Variants in SPATC1 observed in about 807,000 individuals in gnomAD.
SPATC1 encodes the protein spermatogenesis and centriole associated 1, also known as speriolin.
A neutral mutation model predicts 36.5 loss-of-function variants in SPATC1; 35 were observed. That is an observed-to-expected ratio of 0.96 (90% CI 0.73 to 1.27). The LOEUF (loss-of-function observed/expected upper bound fraction) is 1.27. Ranked by LOEUF, SPATC1 falls within the 50% of genes most tolerant of loss-of-function variation. The probability of loss-of-function intolerance (pLI) is 0.00; values close to 1 mark genes in which losing one functional copy is unlikely to be tolerated. For missense variants in SPATC1, 779 were observed against 796.0 expected, an observed-to-expected ratio of 0.98 and a Z score of 0.26; for synonymous variants, 361 against 353.6, an observed-to-expected ratio of 1.02 and a Z score of -0.24.
rs781893550 is a variant in SPATC1 at position 144,040,939 on chromosome 8, C to T, written c.1138C>T (p.His380Tyr). 1.2e-6 allele frequency: 2 copies of T among 1,603,500 alleles called. No individual in the cohort carries two copies. The highest frequency in any genetic ancestry group is 1.7e-6 in the Non-Finnish European group (2 of 1,175,264). ...NSPTQNLPVPHCPPHNAHSPP... is the reference protein window; with the variant it reads ...NSPTQNLPVPYCPPHNAHSPP... ...CCCAACCCAGAACCTGCCTGTCCCC[C>T]ACTGTCCTCCACACAACGCCCACTC... The change falls in exon 3 of 5, where the codon CAC (histidine) becomes TAC (tyrosine). Residue 380 changes from histidine (H) to tyrosine (Y), a missense_variant. Coordinates refer to ENST00000377470, the MANE Select transcript of SPATC1 (RefSeq NM_198572.3).
intron 1 of SPATC1, among the ~76,000 whole-genome samples, chr8:144,018,920 T>G: frequency 7.2e-6 from 1 of 138,626 alleles, no homozygotes; most frequent in African/African-American, 2.7e-5. Context: ...CGGGCGCCTG[T>G]GGTCCCAGCT....
At position 144,040,196 on chromosome 8, in the gene SPATC1, C is replaced by G. The variant is rs1293167804; in HGVS notation, c.499C>G (p.Pro167Ala). ...CCTGCCCTCCACTGGCACCCTGACT[C>G]CCAGCAGCCTCGTGGCAGGCCCTGT... ...LGLPSTGTLTPSSLVAGPVAM... is the reference protein window; with the variant it reads ...LGLPSTGTLTASSLVAGPVAM... The change falls in exon 2 of 5, where the codon CCC becomes GCC. Residue 167 changes from proline (P) to alanine (A), a missense_variant. Pro to Ala is a conservative substitution (Grantham distance 27, BLOSUM62 -1). Coordinates refer to ENST00000377470, the MANE Select transcript of SPATC1 (RefSeq NM_198572.3). 1 of 1,612,408 alleles carries G rather than the reference C, an allele frequency of 6.2e-7. No individual in the cohort carries two copies. The highest frequency in any genetic ancestry group is 2.2e-5 in the East Asian group (1 of 44,860).
chr8:144,025,708 T>C (rs1834664004), intron 1 of SPATC1, among the ~76,000 whole-genome samples: 1 of 152,110 alleles, frequency 6.6e-6, no homozygotes, highest in African/African-American at 2.4e-5. Context: ...ACCAGGGACC[T>C]CGGTAAGGCA....
chr8:144,015,443 G>A (rs897624131), intron 1 of SPATC1, among the ~76,000 whole-genome samples: 12 of 140,792 alleles, frequency 8.5e-5, no homozygotes, highest in African/African-American at 3.7e-4. Context: ...AAAAAAAAAA[G>A]AAAGAAAGAA....
At chr8:144,024,002 C>CT (rs1273824145) in intron 1 of SPATC1, among the ~76,000 whole-genome samples, 1 of 150,208 alleles carries the variant, frequency 6.7e-6, no homozygotes, top group Non-Finnish European at 1.5e-5. Context: ...TCAGGACCCT[C>CT]TACCCTAAGG....
intron 1 of SPATC1, among the ~76,000 whole-genome samples, chr8:144,027,112 G>A (rs893229464): frequency 5.3e-5 from 8 of 151,016 alleles, no homozygotes; most frequent in African/African-American, 1.2e-4. Flanking sequence ...GATTACAGGC[G>A]TGAGCCACCA....
chr8:144,019,144 G>A (rs1214352830), intron 1 of SPATC1, among the ~76,000 whole-genome samples: 4 of 152,064 alleles, frequency 2.6e-5, no homozygotes, highest in African/African-American at 9.7e-5. Flanking sequence ...CCATCTTCGG[G>A]ATTTGCAAAG....
intron 1 of SPATC1, among the ~76,000 whole-genome samples, chr8:144,028,293 T>A (rs1834725296): frequency 6.6e-6 from 1 of 152,114 alleles, no homozygotes. Context: ...GAGAAGATGT[T>A]TGCAACCTAT....
chr8:144,012,704 C>T lies in SPATC1; in HGVS notation c.189C>T (p.Gly63=), dbSNP rs1442685330. The change falls in exon 1 of 5, where the codon GGC becomes GGT. Residue 63 remains glycine, a synonymous_variant. Coordinates refer to ENST00000377470, the MANE Select transcript of SPATC1 (RefSeq NM_198572.3). ...FTSGLGEATA[G]LSSRQNNGVF... ...GTGGGCTTGGTGAGGCAACAGCAGG[C>T]CTTTCCTCACGCCAGAACAATGGTA... 6.4e-7 allele frequency: 1 copy of T among 1,551,636 alleles called. No homozygotes were observed. Among genetic ancestry groups the T allele is most frequent in the East Asian group, 2.4e-5 (1 of 40,914 alleles).
intron 1 of SPATC1, among the ~76,000 whole-genome samples, chr8:144,020,271 G>A (rs1834481623): frequency 6.7e-6 from 1 of 148,550 alleles, no homozygotes; most frequent in African/African-American, 2.5e-5. Flanking sequence ...CTCCGCTGAA[G>A]AACCTCTCGC....
intron 4 of SPATC1, among the ~76,000 whole-genome samples, chr8:144,041,809 C>G (rs1835109104): frequency 1.3e-5 from 2 of 152,216 alleles, no homozygotes; most frequent in African/African-American, 4.8e-5. Flanking sequence ...AACAGCCCAG[C>G]TGCATTCCCG....
chr8:144,025,063 C>T (rs1834649128), intron 1 of SPATC1, among the ~76,000 whole-genome samples: 1 of 151,780 alleles, frequency 6.6e-6, no homozygotes, highest in Non-Finnish European at 1.5e-5. Flanking sequence ...GACCATCTCC[C>T]CTCAGGACCT....
chr8:144,040,066 G>C lies in SPATC1; in HGVS notation c.369G>C (p.Thr123=), dbSNP rs375105503. The C allele has an allele frequency of 6.2e-7, 1 of 1,612,904 alleles. No individual in the cohort carries two copies. The highest frequency in any genetic ancestry group is 8.5e-7 in the Non-Finnish European group (1 of 1,179,918). The change falls in exon 2 of 5, where the codon ACG becomes ACC. Residue 123 remains threonine (T), a synonymous_variant. Coordinates refer to ENST00000377470, the MANE Select transcript of SPATC1 (RefSeq NM_198572.3). ...GCCCCCTGACAGGCACCCTCAGCAC[G>C]CTGCTGTCTGGCCCAGCACCCACGT... ...LMSPLTGTLS[T]LLSGPAPTSQ...
At position 144,046,839 on chromosome 8, in the gene SPATC1, C is replaced by T. The variant is rs782802601; in HGVS notation, c.1659C>T (p.Phe553=). ...AGGGCGGCCCCTACACCGTGGACTTCCTGCAGCGTGTGGTGGTGGAGACCG... is the reference window on the plus strand; with the variant it reads ...AGGGCGGCCCCTACACCGTGGACTTTCTGCAGCGTGTGGTGGTGGAGACCG... ...ASEGGPYTVD[F]LQRVVVETVH... The change falls in exon 5 of 5, where the codon TTC becomes TTT. Residue 553 remains phenylalanine, a synonymous_variant. Transcript: ENST00000377470. This position sits in a 1 kb window ranked among gnomAD's most constrained non-coding sequence, Gnocchi z 6.6. 3 of 1,602,964 alleles carry T rather than the reference C, an allele frequency of 1.9e-6. No individual in the cohort carries two copies. The highest frequency in any genetic ancestry group is 3.3e-5 in the Admixed American group (2 of 60,014).
chr8:144,011,483 C>T (rs1165580040), upstream of SPATC1, among the ~76,000 whole-genome samples: 1 of 152,198 alleles, frequency 6.6e-6, no homozygotes, highest in Non-Finnish European at 1.5e-5. This position sits in a 1 kb window ranked among gnomAD's most constrained non-coding sequence, Gnocchi z 4.5. Context: ...GTCCTCTGGC[C>T]TGTACCTGGA....
At chr8:144,042,990 ATTT>A (rs1287009285) in intron 4 of SPATC1, among the ~76,000 whole-genome samples, 4 of 118,040 alleles carry the variant, frequency 3.4e-5, no homozygotes, top group Non-Finnish European at 1.8e-5. Flanking sequence ...ACACCTGGCT[ATTT>A]TTTTTTTTTT....
At position 144,040,127 on chromosome 8, in the gene SPATC1, C is replaced by T; in HGVS notation, c.430C>T (p.Pro144Ser). Residue 144 changes from proline (P) to serine (S), a missense_variant, in exon 2 of 5, where the codon CCC (proline) becomes TCC (serine). Transcript: ENST00000377470. ...SSPLTSFLTS[P>S]IAGPLTGTLA... is the part of the protein sequence containing the mutation. ...CCCCCTCACCAGCTTCCTGACCAGT[C>T]CCATTGCGGGACCCCTAACAGGCAC... 1 of 1,609,938 alleles carries T rather than the reference C, an allele frequency of 6.2e-7. No individual in the cohort carries two copies. The highest frequency in any genetic ancestry group is 8.5e-7 in the Non-Finnish European group (1 of 1,179,244).
chr8:144,037,129 C>T (rs1212520447), intron 1 of SPATC1, among the ~76,000 whole-genome samples: 5 of 120,392 alleles, frequency 4.2e-5, no homozygotes, highest in East Asian at 2.9e-4. Context: ...CAAGCCGCCC[C>T]GTCCGGGAGG....
chr8:144,017,682 G>A (rs1834421752), intron 1 of SPATC1, among the ~76,000 whole-genome samples: 1 of 152,164 alleles, frequency 6.6e-6, no homozygotes, highest in Non-Finnish European at 1.5e-5. Flanking sequence ...CTTCCAGGTT[G>A]TTACAAAGGT....
Sources: gnomAD v4.1 joint callset for allele counts (sites outside exome capture counted in the v4.1 genomes callset) on GRCh38, gnomAD v4.1.1 for gene constraint, Gnocchi (gnomAD v3.1) non-coding constraint, MANE v1.5 for transcripts, NCBI Gene and HGNC (gene_info 2026-07-23, HGNC 2026-07-21) for gene names.